The following EXT2 variants were observed in gnomAD, a reference collection of about 807,000 sequenced individuals.
The protein encoded by EXT2 is exostosin glycosyltransferase 2.
EXT2 carries 53 observed loss-of-function variants against 81.6 expected under a neutral mutation model. That is an observed-to-expected ratio of 0.65 (90% CI 0.52 to 0.82). The LOEUF (loss-of-function observed/expected upper bound fraction) is 0.82. Ranked by LOEUF, EXT2 falls within the 40% of genes least tolerant of loss-of-function variation. The pLI is 0.00. For synonymous variants in EXT2, 320 were observed against 340.0 expected (o/e 0.94, Z 0.65); for missense variants, 774 against 910.2 (o/e 0.85, Z 1.93).
At chr11:44,107,312 A>G (rs1351299116) in intron 1 of EXT2, among the ~76,000 whole-genome samples, 1 of 152,100 alleles carries the variant, frequency 6.6e-6, no homozygotes, top group African/African-American at 2.4e-5. Flanking sequence ...TTAAAAGTAG[A>G]GGCTGGGCGC....
chr11:44,197,822 C>G lies in EXT2; in HGVS notation c.1306-7C>G, dbSNP rs771232346. 81 of 1,613,792 alleles carry G rather than the reference C, an allele frequency of 5.0e-5. No homozygotes were observed. Among genetic ancestry groups the G allele is most frequent in the Non-Finnish European group, 6.6e-5 (78 of 1,179,914 alleles). On this transcript the variant is annotated splice_polypyrimidine_tract_variant and splice_region_variant and intron_variant, in intron 8 of 13. Coordinates refer to ENST00000533608, the MANE Select transcript of EXT2 (RefSeq NM_207122.2). ...TTTCTGACCCGTGTTAATCTGTCCTCTTGTAGAAGTGGGGCAGCGTGAGCA... is the reference window on the plus strand; with the variant it reads ...TTTCTGACCCGTGTTAATCTGTCCTGTTGTAGAAGTGGGGCAGCGTGAGCA...
chr11:44,122,962 T>TTC (rs1954340378), intron 4 of EXT2, among the ~76,000 whole-genome samples: 1 of 152,244 alleles, frequency 6.6e-6, no homozygotes, highest in African/African-American at 2.4e-5. Flanking sequence ...CTAGGGAGTC[T>TTC]GCTGGTTCCT....
chr11:44,157,759 C>T (rs1259180852), intron 7 of EXT2, among the ~76,000 whole-genome samples: 1 of 152,190 alleles, frequency 6.6e-6, no homozygotes. Flanking sequence ...AACAAAGCCC[C>T]CTTTTCTCTC....
chr11:44,143,402 T>A (rs1368096737), intron 7 of EXT2, among the ~76,000 whole-genome samples: 1 of 152,188 alleles, frequency 6.6e-6, no homozygotes. Flanking sequence ...CTCCTCCCAC[T>A]CTTGTAGGCT....
chr11:44,212,100 G>A (rs920043262), intron 10 of EXT2, among the ~76,000 whole-genome samples: 2 of 151,546 alleles, frequency 1.3e-5, no homozygotes, highest in Admixed American at 6.6e-5. Flanking sequence ...TCTGGCCAAC[G>A]TGATGAAACC....
intron 7 of EXT2, among the ~76,000 whole-genome samples, chr11:44,165,121 G>T (rs894943494): frequency 6.6e-6 from 1 of 151,830 alleles, no homozygotes; most frequent in Admixed American, 6.6e-5. Context: ...CTCGTGATCC[G>T]CCCGCCTCGG....
intron 1 of EXT2, among the ~76,000 whole-genome samples, chr11:44,097,753 C>T (rs1466064609): frequency 1.9e-5 from 2 of 106,714 alleles, no homozygotes; most frequent in African/African-American, 8.3e-5. Flanking sequence ...AGCAAGACTC[C>T]ATCTCAAAAA....
At chr11:44,192,620 G>A (rs1008642199) in intron 8 of EXT2, among the ~76,000 whole-genome samples, 1 of 152,112 alleles carries the variant, frequency 6.6e-6, no homozygotes, top group Non-Finnish European at 1.5e-5. Context: ...ATAGGATCCT[G>A]TGTTGAGCCC....
At chr11:44,201,146 G>A (rs933239128) in intron 9 of EXT2, among the ~76,000 whole-genome samples, 2 of 152,162 alleles carry the variant, frequency 1.3e-5, no homozygotes, top group African/African-American at 2.4e-5. Context: ...TAAGATACAA[G>A]GGCATGCTGT....
chr11:44,239,396 T>TC (rs1956008275), intron 13 of EXT2, among the ~76,000 whole-genome samples: 3 of 147,504 alleles, frequency 2.0e-5, no homozygotes, highest in Non-Finnish European at 4.5e-5. Flanking sequence ...GTATATACTT[T>TC]TTTTTTTTTT....
At chr11:44,125,617 T>A (rs924075478) in intron 5 of EXT2, among the ~76,000 whole-genome samples, 1 of 152,130 alleles carries the variant, frequency 6.6e-6, no homozygotes, top group African/African-American at 2.4e-5. Flanking sequence ...TTGAGCTTTG[T>A]TCACTTAAAT....
intron 8 of EXT2, among the ~76,000 whole-genome samples, chr11:44,175,113 G>C (rs1955140172): frequency 6.6e-6 from 1 of 152,242 alleles, no homozygotes; most frequent in South Asian, 2.1e-4. Flanking sequence ...AATGGATGAT[G>C]CATGGCAGTG....
intron 4 of EXT2, chr11:44,116,277 C>T (rs1337535575): frequency 6.6e-6 from 1 of 152,170 alleles, no homozygotes; most frequent in Non-Finnish European, 1.5e-5. Flanking sequence ...AATAAATGGT[C>T]TTTTGTACCT....
At chr11:44,191,349 C>A (rs1317313915) in intron 8 of EXT2, among the ~76,000 whole-genome samples, 2 of 152,222 alleles carry the variant, frequency 1.3e-5, no homozygotes, top group African/African-American at 4.8e-5. Context: ...TTTGGTATCT[C>A]CTCCTACCTT....
At chr11:44,161,926 T>TA (rs1954933356) in intron 7 of EXT2, among the ~76,000 whole-genome samples, 1 of 152,186 alleles carries the variant, frequency 6.6e-6, no homozygotes, top group Admixed American at 6.5e-5. Context: ...TCCTGACCAG[T>TA]ACTGTCAACT....
rs1388322831 is a variant in EXT2 at position 44,123,320 on chromosome 11, A to G, written c.744-1469A>G. 5.3e-5 allele frequency among the ~76,000 whole-genome samples: 8 copies of G among 152,204 alleles called. No individual in the cohort carries two copies. The East Asian group carries it at 1.5e-3, about 29-fold the overall frequency. On this transcript the variant is annotated intron_variant, in intron 4 of 13. Coordinates refer to ENST00000533608, the MANE Select transcript of EXT2 (RefSeq NM_207122.2). ...CCAAAAACAAACAAACAAAAAATGG[A>G]TGGGTTCACAAACTCTAGGTTGCGT...
At chr11:44,233,162 T>A (rs567006789) in intron 11 of EXT2, among the ~76,000 whole-genome samples, 1 of 152,264 alleles carries the variant, frequency 6.6e-6, no homozygotes, top group African/African-American at 2.4e-5. Context: ...TACATATATA[T>A]GTTGTGAATA....
At chr11:44,134,863 A>G (rs1468338508) in intron 7 of EXT2, among the ~76,000 whole-genome samples, 1 of 152,198 alleles carries the variant, frequency 6.6e-6, no homozygotes, top group Non-Finnish European at 1.5e-5. Context: ...CTTTGTACTC[A>G]ATTGACTAGA....
chr11:44,105,770 G>A (rs1954045811), intron 1 of EXT2, among the ~76,000 whole-genome samples: 1 of 152,150 alleles, frequency 6.6e-6, no homozygotes, highest in African/African-American at 2.4e-5. Flanking sequence ...TGGTCTACAT[G>A]GGAACTCTAC....
Sources: allele counts gnomAD v4.1 joint callset (sites outside exome capture counted in the v4.1 genomes callset), GRCh38; gene constraint gnomAD v4.1.1; transcripts MANE v1.5; gene names NCBI Gene and HGNC (gene_info 2026-07-23, HGNC 2026-07-21).